The following KALRN variants were observed in gnomAD, a reference collection of about 807,000 sequenced individuals.
KALRN encodes kalirin RhoGEF kinase, also known as kalirin.
In KALRN, 70 loss-of-function variants were observed where a neutral mutation model predicts 353.7. That is an observed-to-expected ratio of 0.20 (90% CI 0.16 to 0.24). KALRN has a LOEUF of 0.24. KALRN is among the 10% of genes least tolerant of loss of function. The probability of loss-of-function intolerance (pLI) is 1.00; values close to 1 mark genes in which losing one functional copy is unlikely to be tolerated. For missense variants in KALRN, 2,791 were observed against 3,756.7 expected (o/e 0.74, Z 6.72); for synonymous variants, 1,391 against 1,434.8 (o/e 0.97, Z 0.69).
intron 46 of KALRN, 125 bp from the exon 47 acceptor site, chr3:124,666,887 T>C (rs1176978393): frequency 1.2e-5 from 12 of 960,056 alleles, no homozygotes; most frequent in Non-Finnish European, 1.8e-5. Context: ...CTAAGTACTG[T>C]CCTGCTAGAT....
At chr3:124,642,806 G>GTTTTTTTTTTGTTGTTGGT (rs1553707031) in intron 37 of KALRN, among the ~76,000 whole-genome samples, 1 of 96,840 alleles carries the variant, frequency 1.0e-5, no homozygotes, top group Non-Finnish European at 1.9e-5. Flanking sequence ...CCCAAGCCTC[G>GTTTTTTTTTTGTTGTTGGT]TTTTTTTTTT....
At chr3:124,265,029 G>A (rs1357759349) in intron 4 of KALRN, among the ~76,000 whole-genome samples, 6 of 152,144 alleles carry the variant, frequency 3.9e-5, no homozygotes, top group African/African-American at 1.4e-4. Flanking sequence ...TTTTATTGCT[G>A]TATCATAGTT....
chr3:124,487,375 C>G (rs973340202), intron 28 of KALRN, among the ~76,000 whole-genome samples: 6 of 152,156 alleles, frequency 3.9e-5, no homozygotes, highest in African/African-American at 1.4e-4. Flanking sequence ...CTCCCCAGCT[C>G]CCCAGGAGGT....
intron 34 of KALRN, among the ~76,000 whole-genome samples, chr3:124,623,644 C>T (rs527542086): frequency 6.2e-4 from 95 of 152,220 alleles, no homozygotes; most frequent in African/African-American, 1.7e-3. Flanking sequence ...ATTCTAACTG[C>T]GCTGGCAGCT....
intron 48 of KALRN, among the ~76,000 whole-genome samples, chr3:124,673,681 G>T (rs2086798446): frequency 6.6e-6 from 1 of 151,694 alleles, no homozygotes; most frequent in Non-Finnish European, 1.5e-5. Flanking sequence ...GCTCTATGAG[G>T]CAGCCAGTCC....
At chr3:124,514,617 C>T (rs1489645337) in intron 33 of KALRN, among the ~76,000 whole-genome samples, 1 of 152,036 alleles carries the variant, frequency 6.6e-6, no homozygotes, top group Non-Finnish European at 1.5e-5. Flanking sequence ...AACGTCACTC[C>T]AAGAGGTTGA....
chr3:124,398,967 T>C lies in KALRN; in HGVS notation c.2346+96T>C, dbSNP rs914699444. The stretch of plus-strand genomic sequence containing the variant: ...GGGCAGGGCAGTAGCCTAAGGAAAT[T>C]AGAGCATCCAGCATGCATTTTTAGA... On this transcript the variant is annotated intron_variant, in intron 13 of 59. Coordinates refer to ENST00000682506, the MANE Select transcript of KALRN (RefSeq NM_001388419.1). 5 of 1,285,862 alleles carry C rather than the reference T, an allele frequency of 3.9e-6. No homozygotes were observed. The African/African-American group carries it at 7.5e-5, about 19-fold the overall frequency. 79.7% of individuals were successfully genotyped at this position (1,285,862 alleles called of 1,614,324 possible).
chr3:124,403,157 C>T (rs1007069414), intron 13 of KALRN, among the ~76,000 whole-genome samples: 1 of 152,184 alleles, frequency 6.6e-6, no homozygotes, highest in Non-Finnish European at 1.5e-5. Flanking sequence ...CTCTCTTTTT[C>T]GTGCACTACA....
chr3:124,613,984 C>T (rs116691338), intron 34 of KALRN, among the ~76,000 whole-genome samples: 1,799 of 152,252 alleles, frequency 0.012, 33 homozygotes, highest in African/African-American at 0.04. Context: ...CCCCAAAAAC[C>T]TCCAACACCA....
intron 1 of KALRN, among the ~76,000 whole-genome samples, chr3:124,064,910 C>T (rs190799246): frequency 5.4e-4 from 82 of 152,256 alleles, no homozygotes; most frequent in Non-Finnish European, 8.8e-4. Flanking sequence ...CTTCTCACCC[C>T]AGGATGACCC....
chr3:124,376,684 T>G (rs1162562830), intron 10 of KALRN, among the ~76,000 whole-genome samples: 1 of 152,224 alleles, frequency 6.6e-6, no homozygotes, highest in Non-Finnish European at 1.5e-5. Flanking sequence ...AACCTTCATT[T>G]ACATGGCAAA....
At chr3:124,391,702 C>A (rs79806542) in intron 11 of KALRN, among the ~76,000 whole-genome samples, 2,052 of 152,266 alleles carry the variant, frequency 0.013, 45 homozygotes, top group African/African-American at 0.047. Flanking sequence ...TTCTATCTAC[C>A]TTATGGTGCT....
At chr3:124,034,247 G>T (rs146834134) in intron 1 of KALRN, among the ~76,000 whole-genome samples, 56 of 152,194 alleles carry the variant, frequency 3.7e-4, no homozygotes, top group Non-Finnish European at 6.8e-4. Flanking sequence ...CCTCGCCGTC[G>T]GGGGCCCGGG....
intron 33 of KALRN, among the ~76,000 whole-genome samples, chr3:124,512,752 C>T (rs1409222296): frequency 6.6e-6 from 1 of 151,730 alleles, no homozygotes; most frequent in East Asian, 1.9e-4. Context: ...TGCATATGTA[C>T]ATACATACGT....
chr3:124,385,905 C>A (rs947437120), intron 11 of KALRN, among the ~76,000 whole-genome samples: 1 of 152,036 alleles, frequency 6.6e-6, no homozygotes, highest in South Asian at 2.1e-4. Flanking sequence ...GTGTCCCCCC[C>A]CAGGAATTCC....
intron 33 of KALRN, among the ~76,000 whole-genome samples, chr3:124,529,939 G>T (rs1194090164): frequency 2.0e-5 from 3 of 152,162 alleles, no homozygotes; most frequent in African/African-American, 7.2e-5. Context: ...CACTGAGTTG[G>T]TTACCAATGA....
chr3:124,501,079 A>G (rs1003359043), intron 33 of KALRN, among the ~76,000 whole-genome samples: 9 of 152,196 alleles, frequency 5.9e-5, no homozygotes, highest in African/African-American at 2.2e-4. Context: ...CATAAAATAA[A>G]TGCTTATTGA....
At chr3:124,560,805 A>G (rs1289145985) in intron 33 of KALRN, among the ~76,000 whole-genome samples, 2 of 152,154 alleles carry the variant, frequency 1.3e-5, no homozygotes, top group African/African-American at 2.4e-5. Context: ...TGAGCCAGAG[A>G]GGTAGAAACT....
intron 18 of KALRN, among the ~76,000 whole-genome samples, 161 bp downstream of exon 18, chr3:124,439,198 T>TCACACACACACACACACA (rs1220555173): frequency 2.9e-4 from 36 of 125,532 alleles, no homozygotes; most frequent in African/African-American, 1.1e-3. Context: ...TCTCTCTCTC[T>TCACACACACACACACACA]CTCACACACA....
Sources: gnomAD v4.1 joint callset for allele counts (sites outside exome capture counted in the v4.1 genomes callset) on GRCh38, gnomAD v4.1.1 for gene constraint, MANE v1.5 for transcripts, NCBI Gene and HGNC (gene_info 2026-07-23, HGNC 2026-07-21) for gene names.